ZNF226: variants seen among roughly 807,000 people sequenced by gnomAD.
ZNF226 encodes the protein Kruppel-associated box protein.
Under a neutral mutation model 11.4 loss-of-function variants are expected in ZNF226, and 6 were observed. The observed-to-expected ratio is 0.53, with a 90% confidence interval of 0.29 to 1.04. The LOEUF (loss-of-function observed/expected upper bound fraction) is 1.04. Ranked by LOEUF, ZNF226 falls within the 50% of genes least tolerant of loss-of-function variation. The probability of loss-of-function intolerance (pLI) is 0.08; values close to 1 mark genes in which losing one functional copy is unlikely to be tolerated. For synonymous variants in ZNF226, 350 were observed against 322.8 expected (o/e 1.08, Z -0.90); for missense variants, 1,058 against 956.5 (o/e 1.11, Z -1.40).
chr19:44,184,867 C>CT, the ZNF226 span, among the ~76,000 whole-genome samples: 1 of 152,208 alleles, frequency 6.6e-6, no homozygotes, highest in Non-Finnish European at 1.5e-5. Context: ...TGCAACAGAT[C>CT]TATAGAACTT....
chr19:44,172,807 G>A (rs1568567309), intron 4 of ZNF226, 53 bp from the exon 5 acceptor site: 1 of 1,445,318 alleles, frequency 6.9e-7, no homozygotes. Flanking sequence ...GATTTCCAGT[G>A]TATTTTAACT....
At chr19:44,167,388 G>A (rs1275436083) in intron 2 of ZNF226, among the ~76,000 whole-genome samples, 1 of 138,678 alleles carries the variant, frequency 7.2e-6, no homozygotes, top group South Asian at 2.2e-4. Context: ...GCGTGATCTC[G>A]GCTCACTGCA....
At position 44,172,084 on chromosome 19, in the gene ZNF226, G is replaced by T. The variant is rs761819588; in HGVS notation, c.16-4G>T. The T allele has an allele frequency of 1.9e-6, 3 of 1,609,632 alleles. No homozygotes were observed. The highest frequency in any genetic ancestry group is 2.2e-5 in the East Asian group (1 of 44,686). ...AAGATTGAGGTCATTTGTTTTTGTC[G>T]TAGGAAGCAGTGACCTTCAAGGACG... is the stretch of plus-strand genomic sequence containing the variant. On this transcript the variant is annotated splice_region_variant and splice_polypyrimidine_tract_variant and intron_variant, in intron 3 of 5. Coordinates refer to ENST00000337433, the MANE Select transcript of ZNF226 (RefSeq NM_001032373.2).
At chr19:44,193,046 T>A in the ZNF226 span, among the ~76,000 whole-genome samples, 20 of 152,290 alleles carry the variant, frequency 1.3e-4, no homozygotes, top group South Asian at 4.1e-3. Flanking sequence ...TGCTTGCAAT[T>A]CTGAAGACCT....
In ZNF226 at chr19:44,176,773, A is replaced by G; in HGVS notation, c.1511A>G (p.Lys504Arg). The G allele has an allele frequency of 1.2e-6, 2 of 1,614,084 alleles. No homozygotes were observed. Among genetic ancestry groups the G allele is most frequent in the Non-Finnish European group, 1.7e-6 (2 of 1,180,010 alleles). ...GTCCACACTGGAGAGAAGCCATACA[A>G]ATGCAATGAGTGTGGGAAGAGCTTC... ...QRVHTGEKPYKCNECGKSFRR... is the reference protein window; with the variant it reads ...QRVHTGEKPYRCNECGKSFRR... The change falls in exon 6 of 6, where the codon AAA becomes AGA. Residue 504 changes from lysine (K) to arginine (R), a missense_variant. Physicochemically the swap from Lys to Arg is conservative, Grantham distance 26. Coordinates refer to ENST00000337433, the MANE Select transcript of ZNF226 (RefSeq NM_001032373.2).
chr19:44,185,438 C>T, the ZNF226 span, among the ~76,000 whole-genome samples: 1 of 152,126 alleles, frequency 6.6e-6, no homozygotes, highest in Non-Finnish European at 1.5e-5. Context: ...TACCAGTGAC[C>T]ACAATAGTGG....
At chr19:44,179,126 G>A (rs1049597501), downstream of ZNF226, among the ~76,000 whole-genome samples, 1 of 152,176 alleles carries the variant, frequency 6.6e-6, no homozygotes, top group East Asian at 1.9e-4. Context: ...GTTGCAGTGA[G>A]TCAAGATGTT....
chr19:44,178,054 A>C (rs1364460843), downstream of ZNF226: 1 of 165,682 alleles, frequency 6.0e-6, no homozygotes, highest in East Asian at 1.7e-4. Context: ...TTATGTTGAG[A>C]TCACCTGCAG....
At chr19:44,186,336 C>T in the ZNF226 span, among the ~76,000 whole-genome samples, 49 of 152,084 alleles carry the variant, frequency 3.2e-4, no homozygotes, top group Non-Finnish European at 6.5e-4. Flanking sequence ...CCCCTGAGTA[C>T]AGGATGAGTT....
At chr19:44,174,532 C>T (rs1426415509) in intron 5 of ZNF226, 1 of 152,388 alleles carries the variant, frequency 6.6e-6, no homozygotes, top group Non-Finnish European at 1.5e-5. Context: ...TGTTGCCTCT[C>T]AAACATTTAT....
rs530908756 is a variant in ZNF226 at position 44,175,817 on chromosome 19, C to T, written c.555C>T (p.Asn185=). 1.2e-6 allele frequency: 2 copies of T among 1,613,670 alleles called. No homozygotes were observed. The highest frequency in any genetic ancestry group is 3.3e-5 in the Admixed American group (2 of 59,996). ...TCCTGACTGAGTCACAGAGATTGAA[C>T]AGAGATCAGCAAATTTCCATAAAAA... ...KTFLTESQRL[N]RDQQISIKNK... The change falls in exon 6 of 6, where the codon AAC becomes AAT. Residue 185 remains asparagine (N), a synonymous_variant. Transcript: ENST00000337433.
chr19:44,198,196 T>G, the ZNF226 span, among the ~76,000 whole-genome samples: 7 of 152,190 alleles, frequency 4.6e-5, no homozygotes, highest in Non-Finnish European at 8.8e-5. Flanking sequence ...TAGCACACTT[T>G]TAATTACTGC....
intron 2 of ZNF226, among the ~76,000 whole-genome samples, chr19:44,168,938 CATTT>C (rs2122289428): frequency 6.7e-6 from 1 of 150,308 alleles, no homozygotes; most frequent in Non-Finnish European, 1.5e-5. Flanking sequence ...TTTTGTCACC[CATTT>C]ATTTATTACA....
chr19:44,191,936 C>T, the ZNF226 span, among the ~76,000 whole-genome samples: 1 of 152,134 alleles, frequency 6.6e-6, no homozygotes, highest in South Asian at 2.1e-4. Context: ...GATTGCTTCT[C>T]CCTATGGGAA....
chr19:44,187,865 A>G, the ZNF226 span, among the ~76,000 whole-genome samples: 1 of 151,964 alleles, frequency 6.6e-6, no homozygotes, highest in Non-Finnish European at 1.5e-5. The surrounding 1 kb of genome is among the most constrained non-coding windows in gnomAD (Gnocchi z 4.0). Flanking sequence ...AAATTCCTTT[A>G]TGATTTATTT....
chr19:44,194,166 C>T, the ZNF226 span, among the ~76,000 whole-genome samples: 92 of 152,332 alleles, frequency 6.0e-4, no homozygotes, highest in African/African-American at 2.1e-3. Context: ...GGTAATCTTC[C>T]TTGTCTGTGA....
intron 4 of ZNF226, chr19:44,172,543 A>G: frequency 2.4e-6 from 1 of 422,648 alleles, no homozygotes; most frequent in Non-Finnish European, 4.2e-6. Flanking sequence ...AAATACTAGA[A>G]CTCCTTAGGA....
In ZNF226 at chr19:44,176,383, A is replaced by G. The variant is rs1568572398; in HGVS notation, c.1121A>G (p.Gln374Arg). 6.2e-7 allele frequency: 1 copy of G among 1,614,104 alleles called. No homozygotes were observed. Among genetic ancestry groups the G allele is most frequent in the Non-Finnish European group, 8.5e-7 (1 of 1,180,006 alleles). ...GAGGAGTGTGGGAGGGCCTTCAGTCAGGCCTCTCATCTTCAGGACCATCAG... is the reference window on the plus strand; with the variant it reads ...GAGGAGTGTGGGAGGGCCTTCAGTCGGGCCTCTCATCTTCAGGACCATCAG... ...NCEECGRAFS[Q>R]ASHLQDHQRL... Residue 374 changes from glutamine to arginine, a missense_variant, in exon 6 of 6, where the codon CAG (glutamine) becomes CGG (arginine). Transcript: ENST00000337433.
chr19:44,173,234 C>A (rs1970316343), intron 5 of ZNF226: 1 of 524,402 alleles, frequency 1.9e-6, no homozygotes, highest in Admixed American at 3.5e-5. Context: ...ATGTGGCTGA[C>A]AGAGTCTTAC....
Sources: allele counts gnomAD v4.1 joint callset (sites outside exome capture counted in the v4.1 genomes callset), GRCh38; gene constraint gnomAD v4.1.1; non-coding constraint Gnocchi (gnomAD v3.1); transcripts MANE v1.5; gene names NCBI Gene and HGNC (gene_info 2026-07-23, HGNC 2026-07-21).